KLF3: variants seen among roughly 807,000 people sequenced by gnomAD.
KLF3 encodes the protein Krueppel-like factor 3.
Under a neutral mutation model 32.7 loss-of-function variants are expected in KLF3, and 6 were observed. The observed-to-expected ratio is 0.18, with a 90% CI of 0.10 to 0.36. The LOEUF (loss-of-function observed/expected upper bound fraction) is 0.36, where lower values mean the gene tolerates loss of function less well. Ranked by LOEUF, KLF3 falls within the 10% of genes least tolerant of loss-of-function variation. The pLI, the probability that KLF3 is intolerant of heterozygous loss-of-function variation, is 1.00. For synonymous variants in KLF3, 145 were observed against 172.8 expected (o/e 0.84, Z 1.26); for missense variants, 338 against 449.7 (o/e 0.75, Z 2.25).
intron 1 of KLF3, among the ~76,000 whole-genome samples, chr4:38,666,341 T>A (rs1201960011): frequency 1.3e-5 from 2 of 151,204 alleles, no homozygotes; most frequent in Admixed American, 6.5e-5. Context: ...AAACCCAATC[T>A]TCTTGTTGCT....
At chr4:38,669,732 A>C (rs1560412750) in intron 1 of KLF3, among the ~76,000 whole-genome samples, 1 of 151,724 alleles carries the variant, frequency 6.6e-6, no homozygotes. Context: ...ATCTTTACTA[A>C]AAGTACAAAA....
At chr4:38,670,246 C>T (rs2109237387) in intron 1 of KLF3, among the ~76,000 whole-genome samples, 1 of 152,290 alleles carries the variant, frequency 6.6e-6, no homozygotes, top group Non-Finnish European at 1.5e-5. Flanking sequence ...TGTAAGGGGG[C>T]GCTCCCTGAG....
In KLF3 at chr4:38,688,969, G is replaced by C; in HGVS notation, c.442G>C (p.Val148Leu). The C allele has an allele frequency of 6.2e-7, 1 of 1,614,252 alleles. No homozygotes were observed. Among genetic ancestry groups the C allele is most frequent in the Non-Finnish European group, 8.5e-7 (1 of 1,180,050 alleles). ...GGGGATCCTGCCCGTCATCCAGCCGGTGGTGGTGCAGCCCGTCCCCTTTAT... is the reference window on the plus strand; with the variant it reads ...GGGGATCCTGCCCGTCATCCAGCCGCTGGTGGTGCAGCCCGTCCCCTTTAT... ...SPGILPVIQP[V>L]VVQPVPFMYT... The change falls in exon 3 of 6, where the codon GTG becomes CTG. Residue 148 changes from valine to leucine, a missense_variant. Physicochemically the swap from Val to Leu is conservative, Grantham distance 32. Around this residue, in one of 2 missense-constraint regions of KLF3, gnomAD observed 272 missense variants for 313.4 expected, o/e 0.87. Coordinates refer to ENST00000261438, the MANE Select transcript of KLF3 (RefSeq NM_016531.6). The surrounding 1 kb of genome is among the most constrained non-coding windows in gnomAD (Gnocchi z 4.9).
At chr4:38,670,161 G>T (rs1419419883) in intron 1 of KLF3, among the ~76,000 whole-genome samples, 1 of 152,184 alleles carries the variant, frequency 6.6e-6, no homozygotes, top group Non-Finnish European at 1.5e-5. Context: ...GCTGGAGACA[G>T]AAGAGAGCAA....
chr4:38,682,749 T>C (rs1383484023), intron 2 of KLF3, among the ~76,000 whole-genome samples: 1 of 152,182 alleles, frequency 6.6e-6, no homozygotes, highest in African/African-American at 2.4e-5. Context: ...ACTGTTAAAC[T>C]TGTATTGTTG....
intron 1 of KLF3, among the ~76,000 whole-genome samples, chr4:38,678,832 A>G (rs4833084): frequency 0.051 from 7,792 of 152,302 alleles, 507 homozygotes; most frequent in East Asian, 0.18. Flanking sequence ...CACTCAAACC[A>G]GGGTGATCTA....
rs1159862718 is a variant in KLF3, at chr4:38,671,274, C to A, written c.-40+6813C>A. Among the ~76,000 whole-genome samples, 4 of 152,242 alleles carry A rather than the reference C, an allele frequency of 2.6e-5. No individual in the cohort carries two copies. Among genetic ancestry groups the A allele is most frequent in the Non-Finnish European group, 5.9e-5 (4 of 68,044 alleles). ...TGGGGATGAGGACCTGACCCTTCCA[C>A]CTTTGTGCAGTTATTATGAGGATTT... On this transcript the variant is annotated intron_variant, in intron 1 of 5. Coordinates refer to ENST00000261438, the MANE Select transcript of KLF3 (RefSeq NM_016531.6). The surrounding 1 kb of genome is among the most constrained non-coding windows in gnomAD (Gnocchi z 4.4).
intron 2 of KLF3, among the ~76,000 whole-genome samples, chr4:38,684,253 G>A (rs1456838270): frequency 6.6e-6 from 1 of 152,080 alleles, no homozygotes; most frequent in Non-Finnish European, 1.5e-5. Context: ...TTTCCCTGTT[G>A]CAATTAAAAT....
intron 4 of KLF3, among the ~76,000 whole-genome samples, chr4:38,691,293 C>G (rs1018321468): frequency 6.6e-6 from 1 of 152,182 alleles, no homozygotes; most frequent in South Asian, 2.1e-4. Flanking sequence ...TCATATCCAA[C>G]CCATTGCATC....
At position 38,671,025 on chromosome 4, in the gene KLF3, G is replaced by A. The variant is rs552089581; in HGVS notation, c.-40+6564G>A. The stretch of plus-strand genomic sequence containing the variant: ...CCTCCCCCTGGCACTGCTTCCCATG[G>A]GCCAGTGTGGCTGTGCACACCCACA... On this transcript the variant is annotated intron_variant, in intron 1 of 5. Coordinates refer to ENST00000261438, the MANE Select transcript of KLF3 (RefSeq NM_016531.6). This position sits in a 1 kb window ranked among gnomAD's most constrained non-coding sequence, Gnocchi z 4.4. 2.4e-3 allele frequency among the ~76,000 whole-genome samples: 370 copies of A among 152,234 alleles called. No homozygotes were observed. Among genetic ancestry groups the A allele is most frequent in the African/African-American group, 8.2e-3 (339 of 41,532 alleles).
intron 1 of KLF3, among the ~76,000 whole-genome samples, chr4:38,678,090 C>G (rs1009300914): frequency 7.0e-6 from 1 of 142,996 alleles, no homozygotes; most frequent in Non-Finnish European, 1.5e-5. Flanking sequence ...AATTTAGAAG[C>G]ATTTGCATCA....
intron 4 of KLF3, chr4:38,690,382 A>C (rs1259616760): frequency 6.6e-6 from 1 of 152,576 alleles, no homozygotes; most frequent in Non-Finnish European, 1.5e-5. Context: ...CTAACATGGT[A>C]TAATGTGGTA....
At chr4:38,680,974 C>T (rs929963850) in intron 2 of KLF3, 9 of 259,202 alleles carry the variant, frequency 3.5e-5, no homozygotes, top group South Asian at 1.5e-4. Flanking sequence ...CGCTTGAACC[C>T]GGGAGATGTA....
At chr4:38,694,608 C>T in intron 4 of KLF3, 138 bp from the exon 5 acceptor site, 1 of 735,440 alleles carries the variant, frequency 1.4e-6, no homozygotes, top group Non-Finnish European at 2.2e-6. Context: ...TTGGGTTGAT[C>T]AGCTAATTTC....
At chr4:38,670,626 T>C (rs1722172564) in intron 1 of KLF3, among the ~76,000 whole-genome samples, 1 of 152,212 alleles carries the variant, frequency 6.6e-6, no homozygotes, top group African/African-American at 2.4e-5. Context: ...ATTTGTAAGA[T>C]CGAGTTCCTG....
chr4:38,685,827 C>T (rs887031787), intron 2 of KLF3, among the ~76,000 whole-genome samples: 2 of 152,166 alleles, frequency 1.3e-5, no homozygotes, highest in South Asian at 2.1e-4. Context: ...TAGGACTAGG[C>T]GAAATCATTC....
intron 1 of KLF3, among the ~76,000 whole-genome samples, chr4:38,678,383 CG>C (rs1722414297): frequency 6.6e-6 from 1 of 152,168 alleles, no homozygotes; most frequent in Non-Finnish European, 1.5e-5. Context: ...TCCCTCATTA[CG>C]AAATCATCTA....
intron 1 of KLF3, among the ~76,000 whole-genome samples, chr4:38,678,658 ATATCT>A (rs1436062905): frequency 4.6e-5 from 7 of 152,164 alleles, no homozygotes; most frequent in Non-Finnish European, 1.5e-5. Flanking sequence ...GTATATGAAG[ATATCT>A]TAGTATAACC....
intron 2 of KLF3, among the ~76,000 whole-genome samples, chr4:38,684,716 G>A (rs4832785): frequency 0.05 from 7,592 of 151,894 alleles, 497 homozygotes; most frequent in East Asian, 0.18. Context: ...ACCATGCCCC[G>A]CTACATTTTT....
Sources: allele counts gnomAD v4.1 joint callset (sites outside exome capture counted in the v4.1 genomes callset), GRCh38; gene constraint gnomAD v4.1.1; regional missense constraint gnomAD v4.1.1; non-coding constraint Gnocchi (gnomAD v3.1); transcripts MANE v1.5; gene names NCBI Gene and HGNC (gene_info 2026-07-23, HGNC 2026-07-21).